The following PTPRN2 variants were observed in gnomAD, a reference collection of about 807,000 sequenced individuals.
PTPRN2 encodes the protein protein tyrosine phosphatase receptor type N2.
A neutral mutation model predicts 118.8 loss-of-function variants in PTPRN2; 74 were observed. The ratio of observed to expected loss-of-function variants is 0.62; its 90% CI spans 0.52 to 0.76. PTPRN2 has a LOEUF of 0.76. PTPRN2 is among the 30% of genes least tolerant of loss of function. The probability of loss-of-function intolerance (pLI) is 0.00; values close to 1 mark genes in which losing one functional copy is unlikely to be tolerated. For missense variants in PTPRN2, 1,481 were observed against 1,394.4 expected, an observed-to-expected ratio of 1.06 and a Z score of -0.99; for synonymous variants, 641 against 608.0, an observed-to-expected ratio of 1.05 and a Z score of -0.80.
intron 11 of PTPRN2, among the ~76,000 whole-genome samples, chr7:158,074,522 G>A (rs1025773737): frequency 1.3e-5 from 2 of 152,180 alleles, no homozygotes; most frequent in African/African-American, 2.4e-5. Context: ...CATTTCTATG[G>A]GTGTTTATCT....
intron 1 of PTPRN2, among the ~76,000 whole-genome samples, chr7:158,539,197 A>G (rs1563412474): frequency 6.6e-6 from 1 of 152,236 alleles, no homozygotes; most frequent in Admixed American, 6.5e-5. Flanking sequence ...ATGAATTCCA[A>G]TGAGTCAGAG....
intron 3 of PTPRN2, among the ~76,000 whole-genome samples, chr7:158,269,781 G>A (rs1358263513): frequency 6.6e-6 from 1 of 152,034 alleles, no homozygotes; most frequent in East Asian, 1.9e-4. Context: ...GAGACAGAGA[G>A]AGAGACAAAG....
intron 2 of PTPRN2, among the ~76,000 whole-genome samples, chr7:158,397,782 TA>T (rs1784781644): frequency 6.6e-6 from 1 of 151,916 alleles, no homozygotes; most frequent in Non-Finnish European, 1.5e-5. Flanking sequence ...AAATACAGAA[TA>T]AAAGTATAAC....
At position 157,736,567 on chromosome 7, in the gene PTPRN2, C is replaced by T. The variant is rs1177609529; in HGVS notation, c.1789-53630G>A. Reference sequence around the variant, plus strand: ...CCCCCACCCCCGCCGCCCCCCACAGCTTGGTCTGGGACTGTCAGAGCTGTG... The same window carrying T: ...CCCCCACCCCCGCCGCCCCCCACAGTTTGGTCTGGGACTGTCAGAGCTGTG... On this transcript the variant is annotated intron_variant, in intron 12 of 22. Transcript: ENST00000389418. 5.3e-5 allele frequency among the ~76,000 whole-genome samples: 8 copies of T among 151,944 alleles called. No individual in the cohort carries two copies. The East Asian group carries it at 1.2e-3, about 22-fold the overall frequency.
chr7:157,604,467 C>A (rs567270726), intron 15 of PTPRN2, among the ~76,000 whole-genome samples: 6 of 152,332 alleles, frequency 3.9e-5, no homozygotes, highest in East Asian at 1.9e-4. Context: ...ACGTGGAGTT[C>A]ACACACCAAG....
At chr7:157,853,395 A>G (rs1373025252) in intron 12 of PTPRN2, among the ~76,000 whole-genome samples, 2 of 152,064 alleles carry the variant, frequency 1.3e-5, no homozygotes, top group African/African-American at 4.8e-5. Context: ...AGCATCCCGC[A>G]CCGTGCCCAC....
At chr7:158,242,202 C>T (rs890193097) in intron 3 of PTPRN2, among the ~76,000 whole-genome samples, 16 of 152,188 alleles carry the variant, frequency 1.1e-4, no homozygotes, top group African/African-American at 3.4e-4. Context: ...CTCCCCGCCC[C>T]GTCCTCTGCA....
chr7:158,077,316 C>T (rs953101144), intron 11 of PTPRN2, among the ~76,000 whole-genome samples: 12 of 152,310 alleles, frequency 7.9e-5, no homozygotes, highest in Admixed American at 2.0e-4. Flanking sequence ...ACAAAGATGC[C>T]GAACAGGCAG....
chr7:158,355,314 C>T (rs1808302321), intron 2 of PTPRN2, among the ~76,000 whole-genome samples: 1 of 152,190 alleles, frequency 6.6e-6, no homozygotes, highest in Non-Finnish European at 1.5e-5. Context: ...TAAATTGAGA[C>T]CAATGAATTC....
At chr7:158,114,957 C>T (rs1816611295) in intron 9 of PTPRN2, among the ~76,000 whole-genome samples, 1 of 152,150 alleles carries the variant, frequency 6.6e-6, no homozygotes, top group Admixed American at 6.5e-5. Context: ...TACATGGGTG[C>T]TCCTCACCCA....
chr7:158,303,182 A>AAACAAAAC (rs1563107636), intron 3 of PTPRN2, among the ~76,000 whole-genome samples: 1 of 151,686 alleles, frequency 6.6e-6, no homozygotes, highest in Admixed American at 6.6e-5. Context: ...AAAAAAAAAA[A>AAACAAAAC]AAATTCTTTG....
At chr7:157,670,640 G>A (rs1796362727) in intron 13 of PTPRN2, among the ~76,000 whole-genome samples, 1 of 152,140 alleles carries the variant, frequency 6.6e-6, no homozygotes, top group African/African-American at 2.4e-5. Context: ...GACTGCCGTT[G>A]GTGAGACAAA....
rs1799231580 is a variant in PTPRN2 at position 157,929,391 on chromosome 7, AC to A, written c.1724-30655del. 6.6e-6 allele frequency among the ~76,000 whole-genome samples: 1 copy of A among 151,676 alleles called. No individual in the cohort carries two copies. Among genetic ancestry groups the A allele is most frequent in the Non-Finnish European group, 1.5e-5 (1 of 67,908 alleles). On this transcript the variant is annotated intron_variant, in intron 11 of 22. Transcript: ENST00000389418. The surrounding 1 kb of genome is among the most constrained non-coding windows in gnomAD (Gnocchi z 4.4). ...CTGTGGGTTCCTGCAGCACCGGGAGACCCTGGCGCGACTCCTGAGGGCTTCA... is the reference window on the plus strand; with the variant it reads ...CTGTGGGTTCCTGCAGCACCGGGAGACCTGGCGCGACTCCTGAGGGCTTCA...
At chr7:158,041,337 G>T (rs1027953391) in intron 11 of PTPRN2, among the ~76,000 whole-genome samples, 1 of 152,242 alleles carries the variant, frequency 6.6e-6, no homozygotes, top group Non-Finnish European at 1.5e-5. Flanking sequence ...TAACAACATT[G>T]CAATAAAGAA....
Position 157,742,072 on chromosome 7 carries a change from C to T in PTPRN2, c.1789-59135G>A, listed in dbSNP as rs191050680. On this transcript the variant is annotated intron_variant, in intron 12 of 22. Transcript: ENST00000389418. ...ACACCTAAATAATCCAGCACGATTCCCTTCTAGATGTATCTCTCTACGGTG... is the reference window on the plus strand; with the variant it reads ...ACACCTAAATAATCCAGCACGATTCTCTTCTAGATGTATCTCTCTACGGTG... Among the ~76,000 whole-genome samples, 219 of 152,318 alleles carry T rather than the reference C, an allele frequency of 1.4e-3. 2 individuals are homozygous for T. Among genetic ancestry groups the T allele is most frequent in the African/African-American group, 5.1e-3 (213 of 41,566 alleles).
intron 2 of PTPRN2, among the ~76,000 whole-genome samples, chr7:158,464,025 T>C: frequency 1.8e-5 from 1 of 55,412 alleles, no homozygotes; most frequent in South Asian, 7.6e-4. Flanking sequence ...ATCATCATCC[T>C]TACCATCGCC....
chr7:157,558,564 G>A (rs1324492644), intron 21 of PTPRN2, among the ~76,000 whole-genome samples: 1 of 152,248 alleles, frequency 6.6e-6, no homozygotes, highest in Non-Finnish European at 1.5e-5. Flanking sequence ...GGCTCACCCA[G>A]GGCAAACCTT....
At chr7:158,163,716 T>C (rs200329752) in intron 6 of PTPRN2, among the ~76,000 whole-genome samples, 7 of 152,028 alleles carry the variant, frequency 4.6e-5, no homozygotes, top group African/African-American at 1.7e-4. Flanking sequence ...GTGTATTTCA[T>C]AGGTGATGCC....
intron 4 of PTPRN2, 152 bp from the exon 5 acceptor site, chr7:158,192,647 A>T: frequency 1.2e-6 from 1 of 869,168 alleles, no homozygotes; most frequent in Non-Finnish European, 1.7e-6. Flanking sequence ...ATGGGTTTGA[A>T]CTTCTCCCGG....
Sources: allele counts gnomAD v4.1 joint callset (sites outside exome capture counted in the v4.1 genomes callset), GRCh38; gene constraint gnomAD v4.1.1; non-coding constraint Gnocchi (gnomAD v3.1); transcripts MANE v1.5; gene names NCBI Gene and HGNC (gene_info 2026-07-23, HGNC 2026-07-21).